Variants in AP2S1 observed in about 807,000 individuals in gnomAD.
AP2S1 encodes adaptor related protein complex 2 subunit sigma 1.
Under a neutral mutation model 21.0 loss-of-function variants are expected in AP2S1, and 6 were observed. That is an observed-to-expected ratio of 0.29 (90% CI 0.16 to 0.56). AP2S1 has a LOEUF of 0.56. AP2S1 is among the 20% of genes least tolerant of loss of function. AP2S1 has a pLI of 0.92. For synonymous variants in AP2S1, 63 were observed against 74.6 expected, an observed-to-expected ratio of 0.84 and a Z score of 0.80; for missense variants, 60 against 186.2, an observed-to-expected ratio of 0.32 and a Z score of 3.95.
intron 3 of AP2S1, among the ~76,000 whole-genome samples, 179 bp downstream of exon 3, chr19:46,839,286 C>CAAAAAAAAAAAAAAAAA (rs771792607): frequency 7.4e-4 from 54 of 72,946 alleles, no homozygotes; most frequent in African/African-American, 1.2e-3. Flanking sequence ...GACTCCGTCT[C>CAAAAAAAAAAAAAAAAA]AAAAAAAAAA....
chr19:46,846,190 C>T (rs773373861), intron 1 of AP2S1, 48 bp from the exon 2 acceptor site: 28 of 1,606,974 alleles, frequency 1.7e-5, no homozygotes, highest in East Asian at 1.1e-4. Flanking sequence ...GCAGAGAGGG[C>T]GGGTTGGGTG....
chr19:46,845,328 C>T (rs2055610644), intron 2 of AP2S1, among the ~76,000 whole-genome samples: 1 of 151,116 alleles, frequency 6.6e-6, no homozygotes, highest in African/African-American at 2.4e-5. Context: ...ATTGCTTGAA[C>T]CTGGGAGGTG....
intron 2 of AP2S1, among the ~76,000 whole-genome samples, chr19:46,842,464 A>G (rs944604768): frequency 2.6e-5 from 4 of 152,204 alleles, no homozygotes; most frequent in Non-Finnish European, 5.9e-5. Context: ...GGAGGCACAC[A>G]GAAACATTAG....
rs1452680970 is a variant in AP2S1 at position 46,839,483 on chromosome 19, G to A, written c.249C>T (p.Ala83=). 2.9e-6 allele frequency: 4 copies of A among 1,401,310 alleles called. No individual in the cohort carries two copies. The African/African-American group carries it at 4.4e-5, about 16-fold the overall frequency. The allele number at this position is 1,401,310 out of a possible 1,614,324, so 86.8% of individuals were successfully genotyped here. ...VNDNNLAYLE[A]IHNFVEVLNE... is the part of the protein sequence containing the mutation. ...GCCGTACCTCCACGAAGTTGTGAAT[G>A]GCCTCCAGGTAAGCCAGGTTGTTGT... The change falls in exon 3 of 5, where the codon GCC becomes GCT. Residue 83 remains alanine, a synonymous_variant. Coordinates refer to ENST00000263270, the MANE Select transcript of AP2S1 (RefSeq NM_004069.6).
At chr19:46,841,886 C>T (rs1030971941) in intron 2 of AP2S1, among the ~76,000 whole-genome samples, 11 of 152,176 alleles carry the variant, frequency 7.2e-5, no homozygotes, top group African/African-American at 2.4e-4. Flanking sequence ...CGGGACAGTG[C>T]GAGTCAGACA....
chr19:46,841,007 G>A (rs2055511407), intron 2 of AP2S1, among the ~76,000 whole-genome samples: 1 of 151,994 alleles, frequency 6.6e-6, no homozygotes, highest in African/African-American at 2.4e-5. Flanking sequence ...AGGCCAGAGT[G>A]CAGCGGCGCA....
chr19:46,839,286 C>CAAAAAAAAAAAAAAAAAA (rs771792607), intron 3 of AP2S1, among the ~76,000 whole-genome samples, 179 bp downstream of exon 3: 16 of 72,926 alleles, frequency 2.2e-4, no homozygotes, highest in South Asian at 5.0e-4. Context: ...GACTCCGTCT[C>CAAAAAAAAAAAAAAAAAA]AAAAAAAAAA....
intron 2 of AP2S1, chr19:46,845,704 A>T: frequency 3.8e-6 from 1 of 264,978 alleles, no homozygotes; most frequent in Non-Finnish European, 7.0e-6. Context: ...TAATAATAAC[A>T]ATGCAGAACA....
chr19:46,843,642 G>A (rs2055567444), intron 2 of AP2S1, among the ~76,000 whole-genome samples: 1 of 152,080 alleles, frequency 6.6e-6, no homozygotes, highest in Non-Finnish European at 1.5e-5. Flanking sequence ...AGAATTGCTT[G>A]ACCCCGAGAG....
chr19:46,839,555 G>A lies in AP2S1; in HGVS notation c.177C>T (p.Tyr59=). 6.2e-7 allele frequency: 1 copy of A among 1,614,154 alleles called. No homozygotes were observed. Among genetic ancestry groups the A allele is most frequent in the South Asian group, 1.1e-5 (1 of 91,082 alleles). ...FVEFRNFKII[Y]RRYAGLYFCI... ...AGAAGTAGAGGCCAGCATAGCGGCGGTAAATGATCTTAAAGTTCCGGAACT... is the reference window on the plus strand; with the variant it reads ...AGAAGTAGAGGCCAGCATAGCGGCGATAAATGATCTTAAAGTTCCGGAACT... The change falls in exon 3 of 5, where the codon TAC becomes TAT. Residue 59 remains tyrosine (Y), a synonymous_variant. Coordinates refer to ENST00000263270, the MANE Select transcript of AP2S1 (RefSeq NM_004069.6).
At chr19:46,846,224 A>G in intron 1 of AP2S1, 82 bp from the exon 2 acceptor site, 1 of 1,551,544 alleles carries the variant, frequency 6.4e-7, no homozygotes, top group South Asian at 1.1e-5. Flanking sequence ...CCACCCATCC[A>G]CCCAGAGGGG....
intron 1 of AP2S1, among the ~76,000 whole-genome samples, chr19:46,847,071 A>G (rs1337661899): frequency 6.6e-6 from 1 of 152,166 alleles, no homozygotes; most frequent in Non-Finnish European, 1.5e-5. Flanking sequence ...CCTTTGGGCT[A>G]AGTCTCAGCT....
Position 46,838,500 on chromosome 19 carries a change from T to A in AP2S1, c.376A>T (p.Thr126Ser). The A allele has an allele frequency of 1.2e-6, 2 of 1,614,076 alleles. No homozygotes were observed. The highest frequency in any genetic ancestry group is 1.7e-6 in the Non-Finnish European group (2 of 1,180,006). The change falls in exon 5 of 5, where the codon ACC becomes TCC. Residue 126 changes from threonine to serine, a missense_variant. Physicochemically the swap from Thr to Ser is moderately conservative, Grantham distance 58. Transcript: ENST00000263270. The surrounding 1 kb of genome is among the most constrained non-coding windows in gnomAD (Gnocchi z 4.1). The stretch of plus-strand genomic sequence containing the variant: ...TGTTTCAGCACCTTCGTCTGGCTGG[T>A]CTCTCGGATTTCGCCAGCCAGGAAC... ...EMFLAGEIRE[T>S]SQTKVLKQLL...
At chr19:46,846,803 C>T (rs1478738747) in intron 1 of AP2S1, among the ~76,000 whole-genome samples, 5 of 152,066 alleles carry the variant, frequency 3.3e-5, no homozygotes, top group Non-Finnish European at 4.4e-5. Context: ...GTAGCTGGGA[C>T]TACAGGCACC....
chr19:46,842,918 T>G (rs986734855), intron 2 of AP2S1, among the ~76,000 whole-genome samples: 19 of 152,240 alleles, frequency 1.2e-4, no homozygotes, highest in African/African-American at 4.6e-4. Context: ...CTCCTTGGCC[T>G]CGGTTTCCCT....
intron 1 of AP2S1, chr19:46,849,992 T>A: frequency 1.3e-6 from 1 of 753,474 alleles, no homozygotes; most frequent in Non-Finnish European, 1.8e-6. Context: ...GGGGCACTCC[T>A]AAATCCAATG....
chr19:46,840,520 G>C (rs2055499400), intron 2 of AP2S1, among the ~76,000 whole-genome samples: 1 of 151,780 alleles, frequency 6.6e-6, no homozygotes, highest in Non-Finnish European at 1.5e-5. Flanking sequence ...TGTACCTGTG[G>C]TCCCAGCTAC....
At chr19:46,847,411 T>A (rs2055655630) in intron 1 of AP2S1, among the ~76,000 whole-genome samples, 1 of 152,072 alleles carries the variant, frequency 6.6e-6, no homozygotes, top group South Asian at 2.1e-4. Flanking sequence ...AGAGACAGTG[T>A]TTCACCATGT....
At position 46,850,790 on chromosome 19, in the gene AP2S1, C is replaced by T. The variant is rs1393831516; in HGVS notation, c.-24G>A. On this transcript the variant is annotated 5_prime_UTR_variant, in exon 1 of 5. Coordinates refer to ENST00000263270, the MANE Select transcript of AP2S1 (RefSeq NM_004069.6). ...ATGGCGACCCCCGTCCAGACCCCAG[C>T]GGCCCCGGTCCCGCGGCGACTGGGC... 2 of 1,565,032 alleles carry T rather than the reference C, an allele frequency of 1.3e-6. No individual in the cohort carries two copies. Among genetic ancestry groups the T allele is most frequent in the East Asian group, 2.4e-5 (1 of 41,082 alleles).
Sources: gnomAD v4.1 joint callset for allele counts (sites outside exome capture counted in the v4.1 genomes callset) on GRCh38, gnomAD v4.1.1 for gene constraint, Gnocchi (gnomAD v3.1) non-coding constraint, MANE v1.5 for transcripts, NCBI Gene and HGNC (gene_info 2026-07-23, HGNC 2026-07-21) for gene names.